Variants in NCALD observed in about 807,000 individuals in gnomAD.
The protein encoded by NCALD is neurocalcin-delta.
A neutral mutation model predicts 18.6 loss-of-function variants in NCALD; 10 were observed. The observed-to-expected ratio is 0.54, with a 90% CI of 0.33 to 0.91. The LOEUF is 0.91. NCALD is among the 40% of genes least tolerant of loss of function. NCALD has a pLI of 0.03. For synonymous variants in NCALD, 88 were observed against 87.4 expected (o/e 1.01, Z -0.04); for missense variants, 184 against 247.6 (o/e 0.74, Z 1.72).
At chr8:101,830,740 CT>C (rs750459094) in intron 4 of NCALD, among the ~76,000 whole-genome samples, 1,764 of 132,036 alleles carry the variant, frequency 0.013, 11 homozygotes, top group Middle Eastern at 0.027. Context: ...GAGAGGAATA[CT>C]TTTTTTTTTT....
At chr8:101,753,563 A>C (rs1191375596) in intron 1 of NCALD, among the ~76,000 whole-genome samples, 1 of 152,236 alleles carries the variant, frequency 6.6e-6, no homozygotes. Flanking sequence ...TAAGGCAGTT[A>C]CAATAACTTT....
chr8:101,755,429 T>C (rs4493882), intron 1 of NCALD, among the ~76,000 whole-genome samples: 94,716 of 151,756 alleles, frequency 0.62, 31,890 homozygotes, highest in Non-Finnish European at 0.75. Flanking sequence ...AGCACAGCTG[T>C]CTTTGCCTAA....
chr8:102,015,067 G>A (rs1427602084), intron 2 of NCALD, among the ~76,000 whole-genome samples: 1 of 152,166 alleles, frequency 6.6e-6, no homozygotes, highest in African/African-American at 2.4e-5. Flanking sequence ...AAATCAATAA[G>A]TTGTGGAATT....
intron 4 of NCALD, among the ~76,000 whole-genome samples, chr8:101,877,567 G>C (rs181150178): frequency 6.6e-6 from 1 of 152,302 alleles, no homozygotes; most frequent in Admixed American, 6.5e-5. Context: ...CTTTTCAACA[G>C]TATTTTACCA....
At chr8:102,032,260 G>A (rs1314661829) in intron 1 of NCALD, among the ~76,000 whole-genome samples, 2 of 152,116 alleles carry the variant, frequency 1.3e-5, no homozygotes, top group African/African-American at 4.8e-5. Context: ...GATTCCTACG[G>A]CCACCTACTC....
chr8:101,971,013 T>C (rs1820220086), intron 2 of NCALD, among the ~76,000 whole-genome samples: 1 of 152,176 alleles, frequency 6.6e-6, no homozygotes, highest in Non-Finnish European at 1.5e-5. Flanking sequence ...TCCCTGTGTT[T>C]GCCTCCTTGC....
intron 3 of NCALD, among the ~76,000 whole-genome samples, chr8:101,690,038 C>CAA (rs1814648459): frequency 1.3e-5 from 2 of 152,196 alleles, no homozygotes; most frequent in African/African-American, 4.8e-5. Context: ...CCATGGGTTT[C>CAA]TGCCTCTCAG....
intron 2 of NCALD, among the ~76,000 whole-genome samples, chr8:102,015,696 A>G (rs1480658710): frequency 6.6e-6 from 1 of 152,214 alleles, no homozygotes; most frequent in African/African-American, 2.4e-5. Context: ...AACTGAGTTT[A>G]CCAAGAGTGG....
chr8:101,814,306 A>G (rs760041720), intron 4 of NCALD, among the ~76,000 whole-genome samples: 5 of 152,170 alleles, frequency 3.3e-5, no homozygotes, highest in Non-Finnish European at 7.4e-5. Context: ...CTCCATAACC[A>G]CATGGGATTT....
intron 2 of NCALD, among the ~76,000 whole-genome samples, chr8:101,993,560 G>C (rs983290464): frequency 6.6e-6 from 1 of 152,192 alleles, no homozygotes; most frequent in Non-Finnish European, 1.5e-5. Flanking sequence ...GAAGTCCCAA[G>C]GATGGGAAGC....
intron 1 of NCALD, among the ~76,000 whole-genome samples, chr8:101,755,982 A>C (rs1318446007): frequency 2.0e-5 from 3 of 152,166 alleles, no homozygotes; most frequent in Admixed American, 1.3e-4. Flanking sequence ...TGATGTGGGG[A>C]GAATAAGAAG....
chr8:101,937,660 T>A (rs565334747), intron 2 of NCALD, among the ~76,000 whole-genome samples: 1 of 152,182 alleles, frequency 6.6e-6, no homozygotes, highest in East Asian at 1.9e-4. Context: ...TCACACCTTT[T>A]GACCAGCCAA....
intron 3 of NCALD, chr8:101,691,905 GATA>G: frequency 2.0e-6 from 2 of 985,428 alleles, no homozygotes; most frequent in Non-Finnish European, 2.4e-6. Flanking sequence ...CGGGTGAGCT[GATA>G]ATAACAGCAA....
intron 2 of NCALD, among the ~76,000 whole-genome samples, chr8:101,988,195 A>G (rs1013413980): frequency 3.3e-5 from 5 of 151,984 alleles, no homozygotes; most frequent in Non-Finnish European, 5.9e-5. Flanking sequence ...GAAAAGAAAA[A>G]AAAAAGTAAC....
chr8:101,998,609 C>T (rs1821324959), intron 2 of NCALD, among the ~76,000 whole-genome samples: 1 of 152,290 alleles, frequency 6.6e-6, no homozygotes, highest in South Asian at 2.1e-4. Flanking sequence ...ATCATGATTA[C>T]AACCCTCATG....
chr8:102,049,188 T>G (rs1009902646), intron 1 of NCALD, among the ~76,000 whole-genome samples: 5 of 152,172 alleles, frequency 3.3e-5, no homozygotes, highest in Admixed American at 2.6e-4. Flanking sequence ...ATCTGCAGTT[T>G]CAACTAACAT....
At chr8:101,912,937 T>C (rs916963600) in intron 3 of NCALD, among the ~76,000 whole-genome samples, 7 of 152,232 alleles carry the variant, frequency 4.6e-5, no homozygotes, top group African/African-American at 1.7e-4. Flanking sequence ...GCCTGTGAGA[T>C]GCCACATGGG....
chr8:101,788,823 T>G (rs570423116), intron 1 of NCALD: 1 of 152,316 alleles, frequency 6.6e-6, no homozygotes, highest in East Asian at 1.9e-4. Flanking sequence ...AAACATGACC[T>G]TGAAATCAAC....
chr8:101,827,927 A>G (rs1238067614), intron 4 of NCALD, among the ~76,000 whole-genome samples: 3 of 152,234 alleles, frequency 2.0e-5, no homozygotes, highest in African/African-American at 7.2e-5. Context: ...TTCATTTCCA[A>G]AAAGGAGATA....
Sources: allele counts gnomAD v4.1 joint callset (sites outside exome capture counted in the v4.1 genomes callset), GRCh38; gene constraint gnomAD v4.1.1; transcripts MANE v1.5; gene names NCBI Gene and HGNC (gene_info 2026-07-23, HGNC 2026-07-21).